The following CDK17 variants were observed in gnomAD, a reference collection of about 807,000 sequenced individuals.
CDK17 encodes cyclin-dependent kinase 17.
Under a neutral mutation model 77.6 loss-of-function variants are expected in CDK17, and 24 were observed. The ratio of observed to expected loss-of-function variants is 0.31; its 90% CI spans 0.22 to 0.44. The LOEUF is 0.44. Ranked by LOEUF, CDK17 falls within the 20% of genes least tolerant of loss-of-function variation. The pLI is 1.00. For missense variants in CDK17, 429 were observed against 622.5 expected, an observed-to-expected ratio of 0.69 and a Z score of 3.31; for synonymous variants, 203 against 210.4, an observed-to-expected ratio of 0.96 and a Z score of 0.30.
intron 3 of CDK17, among the ~76,000 whole-genome samples, chr12:96,315,065 T>A (rs1168897762): frequency 1.3e-5 from 2 of 152,184 alleles, no homozygotes; most frequent in Non-Finnish European, 2.9e-5. Context: ...GCTTAACAAG[T>A]ATTCAAGGGA....
intron 3 of CDK17, among the ~76,000 whole-genome samples, chr12:96,320,280 A>G (rs1344299398): frequency 1.4e-5 from 2 of 142,076 alleles, no homozygotes; most frequent in Non-Finnish European, 3.1e-5. Context: ...AAGGAGAACT[A>G]CAAACCACTG....
intron 2 of CDK17, among the ~76,000 whole-genome samples, chr12:96,325,676 T>C (rs1175131525): frequency 3.9e-5 from 6 of 152,208 alleles, no homozygotes; most frequent in Non-Finnish European, 8.8e-5. Flanking sequence ...TACCTAGTAA[T>C]ACAGAACATG....
At chr12:96,346,304 C>T (rs570226041) in intron 1 of CDK17, among the ~76,000 whole-genome samples, 8 of 151,736 alleles carry the variant, frequency 5.3e-5, no homozygotes, top group Admixed American at 1.3e-4. Flanking sequence ...TACTAAAAAA[C>T]AGCCGGGCAT....
intron 5 of CDK17, among the ~76,000 whole-genome samples, chr12:96,301,747 A>G (rs1952508407): frequency 1.3e-5 from 2 of 152,160 alleles, no homozygotes; most frequent in Admixed American, 1.3e-4. Context: ...CTAGAGGTCT[A>G]AATACGCAAT....
At chr12:96,332,621 T>A (rs889919885) in intron 2 of CDK17, among the ~76,000 whole-genome samples, 3 of 152,198 alleles carry the variant, frequency 2.0e-5, no homozygotes, top group African/African-American at 7.2e-5. Context: ...CATGTGCTAT[T>A]ACAGAGAGAA....
At chr12:96,297,362 T>C (rs776146963) in intron 8 of CDK17, 30 bp from the exon 9 acceptor site, 2 of 1,433,150 alleles carry the variant, frequency 1.4e-6, no homozygotes, top group Admixed American at 1.8e-5. Context: ...TGCTATGTGA[T>C]ACACCATTTT....
intron 1 of CDK17, among the ~76,000 whole-genome samples, chr12:96,336,688 T>C (rs559102888): frequency 6.6e-6 from 1 of 152,320 alleles, no homozygotes; most frequent in South Asian, 2.1e-4. Flanking sequence ...TACTAACGTA[T>C]CCTCCAGTTC....
chr12:96,357,090 G>A (rs1019843185), intron 1 of CDK17, among the ~76,000 whole-genome samples: 1 of 152,136 alleles, frequency 6.6e-6, no homozygotes, highest in African/African-American at 2.4e-5. Context: ...AGAACCAAGA[G>A]AGCAACTGTA....
chr12:96,370,739 G>A (rs1953677233), intron 1 of CDK17, among the ~76,000 whole-genome samples: 1 of 152,090 alleles, frequency 6.6e-6, no homozygotes, highest in South Asian at 2.1e-4. Flanking sequence ...TTTCTATTTA[G>A]CTTGAAATTA....
rs1176200535 is a variant in CDK17 at position 96,321,819 on chromosome 12, G to T, written c.283+2129C>A. On this transcript the variant is annotated intron_variant, in intron 3 of 16. Coordinates refer to ENST00000261211, the MANE Select transcript of CDK17 (RefSeq NM_002595.5). ...CTCTGGGGACTGTGGTGGGGTGGGG[G>T]GAGGGGGGAGGGATAGCATTGGGAG... 2.6e-5 allele frequency among the ~76,000 whole-genome samples: 3 copies of T among 114,546 alleles called. No individual in the cohort carries two copies. In the East Asian group the frequency reaches 8.3e-4, roughly 32 times the overall value. The allele number at this position is 114,546 out of a possible 152,430, so 75.1% of individuals were successfully genotyped here. A position where few individuals can be genotyped will look rare whatever the true frequency, so the allele number is the denominator to read the frequency against.
chr12:96,375,054 C>T (rs1346955170), intron 1 of CDK17, among the ~76,000 whole-genome samples: 1 of 152,174 alleles, frequency 6.6e-6, no homozygotes, highest in South Asian at 2.1e-4. Flanking sequence ...GTCTCCTACT[C>T]TCCCCAATGT....
At chr12:96,386,546 T>C (rs537182929) in intron 1 of CDK17, among the ~76,000 whole-genome samples, 1 of 152,126 alleles carries the variant, frequency 6.6e-6, no homozygotes, top group East Asian at 1.9e-4. Flanking sequence ...AAGTCCCAGC[T>C]ACTCAGGAGG....
At chr12:96,346,029 G>C (rs1031608660) in intron 1 of CDK17, among the ~76,000 whole-genome samples, 1 of 152,180 alleles carries the variant, frequency 6.6e-6, no homozygotes, top group Non-Finnish European at 1.5e-5. Flanking sequence ...CCACCTAAAT[G>C]CTGTCTATAA....
intron 3 of CDK17, among the ~76,000 whole-genome samples, chr12:96,323,243 G>A (rs1349055446): frequency 6.6e-6 from 1 of 150,702 alleles, no homozygotes; most frequent in Non-Finnish European, 1.5e-5. Flanking sequence ...GACCAGCCTG[G>A]GCAACACAGT....
intron 5 of CDK17, among the ~76,000 whole-genome samples, chr12:96,308,751 A>ATAATAATAATAG (rs371513816): frequency 0.021 from 3,042 of 147,712 alleles, 50 homozygotes; most frequent in Non-Finnish European, 0.03. Flanking sequence ...AATAATAATA[A>ATAATAATAATAG]TAATAATAAT....
At chr12:96,303,981 G>C (rs959953108) in intron 5 of CDK17, among the ~76,000 whole-genome samples, 2 of 152,122 alleles carry the variant, frequency 1.3e-5, no homozygotes, top group African/African-American at 4.8e-5. Context: ...CTAAGATAAA[G>C]TTTAATTTAT....
At position 96,388,362 on chromosome 12, in the gene CDK17, CTATT is replaced by C. The variant is rs138624482; in HGVS notation, c.-30+11620_-30+11623del. On this transcript the variant is annotated intron_variant, in intron 1 of 16. Transcript: ENST00000261211. ...TAGAAACAACAATGCACATCTTAGA[CTATT>C]TAGTCTACTGGTATGTCTATATGTG... 5.4e-3 allele frequency among the ~76,000 whole-genome samples: 815 copies of C among 152,286 alleles called. 6 individuals are homozygous for C. Among genetic ancestry groups the C allele is most frequent in the African/African-American group, 0.019 (785 of 41,552 alleles).
intron 13 of CDK17, chr12:96,284,448 G>A (rs1185907007): frequency 3.8e-5 from 5 of 131,822 alleles, no homozygotes; most frequent in Non-Finnish European, 6.2e-5. Context: ...GCGGAAGAGC[G>A]AGACTCTGTC....
In CDK17 at chr12:96,280,102, A is replaced by T; in HGVS notation, c.*140T>A. 1 of 764,272 alleles carries T rather than the reference A, an allele frequency of 1.3e-6. No homozygotes were observed. The highest frequency in any genetic ancestry group is 2.0e-6 in the Non-Finnish European group (1 of 509,984). The allele number at this position is 764,272 out of a possible 1,614,324, so 47.3% of individuals were successfully genotyped here. ...ATATAAAAACAATCTGTAGGTCTGA[A>T]ATAAAAAGACTCCACTGTGAAGAGG... is the stretch of plus-strand genomic sequence containing the variant. On this transcript the variant is annotated 3_prime_UTR_variant, in exon 17 of 17. Transcript: ENST00000261211.
Sources: allele counts gnomAD v4.1 joint callset (sites outside exome capture counted in the v4.1 genomes callset), GRCh38; gene constraint gnomAD v4.1.1; transcripts MANE v1.5; gene names NCBI Gene and HGNC (gene_info 2026-07-23, HGNC 2026-07-21).